Variants in TGFBR3 observed in about 807,000 individuals in gnomAD.
TGFBR3 encodes transforming growth factor beta receptor type 3.
A neutral mutation model predicts 87.9 loss-of-function variants in TGFBR3; 46 were observed. The observed-to-expected ratio is 0.52, with a 90% confidence interval of 0.41 to 0.67. The LOEUF is 0.67. Ranked by LOEUF, TGFBR3 falls within the 30% of genes least tolerant of loss-of-function variation. The pLI is 0.00. For synonymous variants in TGFBR3, 381 were observed against 391.6 expected (o/e 0.97, Z 0.32); for missense variants, 866 against 1,041.9 (o/e 0.83, Z 2.32).
chr1:91,825,140 G>GA (rs1676585932), intron 2 of TGFBR3, among the ~76,000 whole-genome samples: 1 of 151,990 alleles, frequency 6.6e-6, no homozygotes, highest in Admixed American at 6.6e-5. Context: ...ATACTTCCCA[G>GA]AAAAAAGGGA....
intron 2 of TGFBR3, among the ~76,000 whole-genome samples, chr1:91,859,978 C>A (rs1241045253): frequency 6.6e-6 from 1 of 151,616 alleles, no homozygotes; most frequent in Non-Finnish European, 1.5e-5. Flanking sequence ...AAACCAGTTT[C>A]TGCCAGCTGA....
chr1:91,754,289 A>G (rs1673661599), intron 4 of TGFBR3, among the ~76,000 whole-genome samples: 1 of 152,184 alleles, frequency 6.6e-6, no homozygotes, highest in African/African-American at 2.4e-5. Context: ...TTCAGTGTAG[A>G]AATGAATGCA....
chr1:91,753,232 CA>C (rs1400104879), intron 4 of TGFBR3, among the ~76,000 whole-genome samples: 7 of 146,126 alleles, frequency 4.8e-5, no homozygotes, highest in South Asian at 2.2e-4. Context: ...CAAAAAATAC[CA>C]AAAAAAATCA....
intron 2 of TGFBR3, among the ~76,000 whole-genome samples, chr1:91,805,085 T>C (rs1675780450): frequency 6.6e-6 from 1 of 152,186 alleles, no homozygotes; most frequent in Admixed American, 6.5e-5. Flanking sequence ...TCACAGAAAC[T>C]CTATAACCCA....
At chr1:91,816,691 T>G (rs1394803795) in intron 2 of TGFBR3, among the ~76,000 whole-genome samples, 1 of 152,224 alleles carries the variant, frequency 6.6e-6, no homozygotes, top group Non-Finnish European at 1.5e-5. Flanking sequence ...TTTAAACTCA[T>G]GCAATAACTG....
chr1:91,687,193 T>TCAC (rs1343715748), intron 16 of TGFBR3, among the ~76,000 whole-genome samples: 1 of 152,096 alleles, frequency 6.6e-6, no homozygotes, highest in African/African-American at 2.4e-5. Context: ...CCAGGTGCAG[T>TCAC]CACTTACAGT....
chr1:91,797,110 C>T (rs1263774541), intron 3 of TGFBR3, among the ~76,000 whole-genome samples, 177 bp downstream of exon 3: 1 of 152,184 alleles, frequency 6.6e-6, no homozygotes, highest in Non-Finnish European at 1.5e-5. Flanking sequence ...AATCTCTAGA[C>T]AGAGAAATCC....
In TGFBR3 at chr1:91,886,080, G is replaced by C. The variant is rs1209916739; in HGVS notation, c.-316C>G. On this transcript the variant is annotated 5_prime_UTR_variant, in exon 1 of 17. Coordinates refer to ENST00000212355, the MANE Select transcript of TGFBR3 (RefSeq NM_003243.5). ...CGCAGGGAAAGTGGCCGGGGCGCGAGAGCCGCCGACTGCCCTCCTTCACTC... is the reference window on the plus strand; with the variant it reads ...CGCAGGGAAAGTGGCCGGGGCGCGACAGCCGCCGACTGCCCTCCTTCACTC... The C allele has an allele frequency of 4.4e-6, 2 of 454,076 alleles. No individual in the cohort carries two copies. Among genetic ancestry groups the C allele is most frequent in the Admixed American group, 2.3e-5 (1 of 42,582 alleles). 28.1% of individuals were successfully genotyped at this position (454,076 alleles called of 1,614,324 possible).
intron 14 of TGFBR3, among the ~76,000 whole-genome samples, chr1:91,707,711 C>T (rs1671841896): frequency 6.6e-6 from 1 of 152,224 alleles, no homozygotes; most frequent in Non-Finnish European, 1.5e-5. Flanking sequence ...TTGGAATCCA[C>T]TTTCACTCTC....
Position 91,683,505 on chromosome 1 carries a change from T to C in TGFBR3, c.*234A>G. On this transcript the variant is annotated 3_prime_UTR_variant, in exon 17 of 17. Coordinates refer to ENST00000212355, the MANE Select transcript of TGFBR3 (RefSeq NM_003243.5). ...TGGTGGAGAAGACCACCATTTTAGC[T>C]TTCTCACATGAATTCTAGTGTGGTA... 1 of 688,376 alleles carries C rather than the reference T, an allele frequency of 1.5e-6. No homozygotes were observed. The highest frequency in any genetic ancestry group is 1.5e-5 in the South Asian group (1 of 66,578). 42.6% of individuals were successfully genotyped at this position (688,376 alleles called of 1,614,324 possible). A position where few individuals can be genotyped will look rare whatever the true frequency, so the allele number is the denominator to read the frequency against.
intron 2 of TGFBR3, among the ~76,000 whole-genome samples, chr1:91,825,413 C>T (rs557816502): frequency 6.6e-6 from 1 of 152,314 alleles, no homozygotes; most frequent in South Asian, 2.1e-4. Context: ...GACTCCATTT[C>T]TACAGAATGT....
intron 1 of TGFBR3, among the ~76,000 whole-genome samples, chr1:91,881,451 AGGCATTTT>A (rs756851273): frequency 1.6e-4 from 25 of 152,206 alleles, no homozygotes; most frequent in Non-Finnish European, 3.4e-4. Context: ...AGCAACCTGA[AGGCATTTT>A]GGCCCCCAGT....
chr1:91,694,970 G>A (rs1472373395), intron 16 of TGFBR3, among the ~76,000 whole-genome samples: 1 of 152,150 alleles, frequency 6.6e-6, no homozygotes, highest in Non-Finnish European at 1.5e-5. Flanking sequence ...CCCTTTGCTG[G>A]CCTGCATTCT....
intron 8 of TGFBR3, among the ~76,000 whole-genome samples, chr1:91,721,311 C>T (rs753607544): frequency 1.4e-4 from 22 of 152,172 alleles, no homozygotes; most frequent in Admixed American, 6.5e-4. Flanking sequence ...ATCTGTGGCT[C>T]AGAGGTGAAG....
At chr1:91,799,582 G>T (rs1052055409) in intron 2 of TGFBR3, among the ~76,000 whole-genome samples, 2 of 152,180 alleles carry the variant, frequency 1.3e-5, no homozygotes, top group Admixed American at 6.5e-5. Flanking sequence ...CCCACACTGG[G>T]AAACCCTTCT....
At chr1:91,841,624 C>A (rs1486455551) in intron 2 of TGFBR3, among the ~76,000 whole-genome samples, 2 of 151,904 alleles carry the variant, frequency 1.3e-5, no homozygotes, top group Admixed American at 6.6e-5. Flanking sequence ...GAAACCCCAT[C>A]TCTGCTAAAA....
intron 2 of TGFBR3, among the ~76,000 whole-genome samples, chr1:91,803,553 A>G (rs1675723422): frequency 6.6e-6 from 1 of 151,700 alleles, no homozygotes; most frequent in African/African-American, 2.4e-5. Flanking sequence ...TTTTTTTTTA[A>G]TAGGAAACAA....
rs1672312321 is a variant in TGFBR3, at chr1:91,720,106, G to A, written c.1200C>T (p.Gly400=). The A allele has an allele frequency of 1.9e-6, 3 of 1,614,122 alleles. No individual in the cohort carries two copies. Among genetic ancestry groups the A allele is most frequent in the Non-Finnish European group, 1.7e-6 (2 of 1,180,018 alleles). Residue 400 remains glycine, a synonymous_variant, in exon 9 of 17, where the codon GGC becomes GGT. Coordinates refer to ENST00000212355, the MANE Select transcript of TGFBR3 (RefSeq NM_003243.5). ...AAATATCTGGGAAAGGAAACGGAAG[G>A]CCTCCATTTTGGCCTTCCCCTCCCC... ...PIRGGEGQNG[G]LPFPFPDISR... is the part of the protein sequence containing the mutation.
chr1:91,879,063 G>A (rs1678971078), intron 1 of TGFBR3, among the ~76,000 whole-genome samples: 1 of 152,102 alleles, frequency 6.6e-6, no homozygotes, highest in Non-Finnish European at 1.5e-5. Context: ...GAGGCCAGAA[G>A]TTCGAGACCA....
Sources: gnomAD v4.1 joint callset for allele counts (sites outside exome capture counted in the v4.1 genomes callset) on GRCh38, gnomAD v4.1.1 for gene constraint, MANE v1.5 for transcripts, NCBI Gene and HGNC (gene_info 2026-07-23, HGNC 2026-07-21) for gene names.